DIS3L2: variants seen among roughly 807,000 people sequenced by gnomAD.
DIS3L2 encodes DIS3 like 3'-5' exoribonuclease 2, also known as DIS3-like exonuclease 2.
DIS3L2 carries 34 observed loss-of-function variants against 97.5 expected under a neutral mutation model. The observed-to-expected ratio is 0.35, with a 90% CI of 0.27 to 0.46. The LOEUF is 0.46. Ranked by LOEUF, DIS3L2 falls within the 20% of genes least tolerant of loss-of-function variation. The probability of loss-of-function intolerance (pLI) is 1.00; values close to 1 mark genes in which losing one functional copy is unlikely to be tolerated. For synonymous variants in DIS3L2, 435 were observed against 445.2 expected (o/e 0.98, Z 0.29); for missense variants, 1,038 against 1,146.0 (o/e 0.91, Z 1.36).
At chr2:232,026,920 C>T (rs918543613) in intron 4 of DIS3L2, among the ~76,000 whole-genome samples, 5 of 152,004 alleles carry the variant, frequency 3.3e-5, no homozygotes, top group Admixed American at 1.3e-4. Context: ...CTCTTTTATT[C>T]TTTTATTTGG....
At chr2:232,328,709 C>G (rs564122762) in intron 14 of DIS3L2, 1 of 152,514 alleles carries the variant, frequency 6.6e-6, no homozygotes, top group African/African-American at 2.4e-5. Context: ...AGAGTCCCCC[C>G]AGGCTGGTCA....
At chr2:232,243,893 C>T (rs1178041036) in intron 11 of DIS3L2, among the ~76,000 whole-genome samples, 1 of 152,190 alleles carries the variant, frequency 6.6e-6, no homozygotes, top group East Asian at 1.9e-4. Flanking sequence ...TTTCCAAAAA[C>T]CTTTTGGCCC....
chr2:232,294,656 C>G (rs1018450720), intron 13 of DIS3L2, among the ~76,000 whole-genome samples: 3 of 152,150 alleles, frequency 2.0e-5, no homozygotes, highest in Non-Finnish European at 4.4e-5. Context: ...CCTTCAACTC[C>G]CTTATCCAGT....
chr2:232,135,109 G>A (rs1559665123), intron 7 of DIS3L2, among the ~76,000 whole-genome samples: 2 of 152,164 alleles, frequency 1.3e-5, no homozygotes, highest in Non-Finnish European at 2.9e-5. Context: ...ATGAGGACAA[G>A]TTGCTGAAAT....
chr2:232,277,935 A>G (rs1445084413), intron 13 of DIS3L2, among the ~76,000 whole-genome samples: 2 of 152,208 alleles, frequency 1.3e-5, no homozygotes, highest in African/African-American at 4.8e-5. Context: ...AAAGCACAAT[A>G]AAAATATGGT....
chr2:232,071,348 T>C (rs1696010677), intron 5 of DIS3L2, among the ~76,000 whole-genome samples: 1 of 151,892 alleles, frequency 6.6e-6, no homozygotes, highest in Admixed American at 6.6e-5. Flanking sequence ...ATAGTGACCC[T>C]GTCTCTACAA....
chr2:232,132,143 A>G (rs1698236659), intron 7 of DIS3L2, among the ~76,000 whole-genome samples: 1 of 152,022 alleles, frequency 6.6e-6, no homozygotes, highest in Non-Finnish European at 1.5e-5. Flanking sequence ...CCCTCCAAAC[A>G]TGTTTTCCCT....
intron 5 of DIS3L2, among the ~76,000 whole-genome samples, chr2:232,051,247 G>A (rs892851097): frequency 2.6e-5 from 4 of 152,102 alleles, no homozygotes; most frequent in Non-Finnish European, 4.4e-5. Flanking sequence ...AAGGATTAAT[G>A]AACTGTAATC....
At chr2:232,330,118 C>G in intron 15 of DIS3L2, 122 bp downstream of exon 15, 1 of 1,243,288 alleles carries the variant, frequency 8.0e-7, no homozygotes, top group South Asian at 1.6e-5. Context: ...AGCCAGGTCT[C>G]TCCTGTAGGG....
chr2:232,029,514 C>T (rs1574823650), intron 4 of DIS3L2, among the ~76,000 whole-genome samples: 1 of 151,902 alleles, frequency 6.6e-6, no homozygotes, highest in Admixed American at 6.6e-5. Context: ...CTGGAGTTCA[C>T]GGTGGTCCTA....
chr2:232,000,662 C>CCTT (rs1178382206), intron 1 of DIS3L2, among the ~76,000 whole-genome samples: 41 of 92,920 alleles, frequency 4.4e-4, no homozygotes, highest in African/African-American at 1.5e-3. Context: ...CCTTTCCTTT[C>CCTT]TCTTTCTCTC....
intron 6 of DIS3L2, among the ~76,000 whole-genome samples, chr2:232,113,634 A>G (rs1182964019): frequency 1.3e-5 from 2 of 152,226 alleles, no homozygotes; most frequent in Non-Finnish European, 2.9e-5. Context: ...TGAAACCACC[A>G]TTGCAAAATT....
At chr2:232,046,320 T>A (rs1559569659) in intron 5 of DIS3L2, among the ~76,000 whole-genome samples, 1 of 152,162 alleles carries the variant, frequency 6.6e-6, no homozygotes, top group Non-Finnish European at 1.5e-5. Context: ...CCACTCAAAG[T>A]GTGGTCCATG....
chr2:232,116,934 TC>T (rs1465472690), intron 6 of DIS3L2, among the ~76,000 whole-genome samples: 2 of 152,182 alleles, frequency 1.3e-5, no homozygotes, highest in Non-Finnish European at 2.9e-5. Context: ...CGTCCACGCT[TC>T]ATAGCTTTTG....
intron 1 of DIS3L2, among the ~76,000 whole-genome samples, chr2:231,988,627 A>T (rs1693487982): frequency 6.6e-6 from 1 of 152,156 alleles, no homozygotes; most frequent in Non-Finnish European, 1.5e-5. Flanking sequence ...CCAAGACATG[A>T]CGTGGATCTT....
chr2:231,999,571 G>A (rs983231218), intron 1 of DIS3L2, among the ~76,000 whole-genome samples: 2 of 151,804 alleles, frequency 1.3e-5, no homozygotes, highest in Non-Finnish European at 2.9e-5. Context: ...AACTTGGCTC[G>A]TTATCCACAA....
At chr2:231,985,802 G>C (rs756920280) in intron 1 of DIS3L2, among the ~76,000 whole-genome samples, 2 of 152,124 alleles carry the variant, frequency 1.3e-5, no homozygotes, top group Non-Finnish European at 2.9e-5. Flanking sequence ...GTTAATATTA[G>C]GTGTCAACTT....
At chr2:232,094,812 G>A (rs1001020884) in intron 6 of DIS3L2, among the ~76,000 whole-genome samples, 2 of 151,122 alleles carry the variant, frequency 1.3e-5, no homozygotes, top group Non-Finnish European at 2.9e-5. Context: ...AGTAATATTT[G>A]CTTTATATAT....
intron 12 of DIS3L2, among the ~76,000 whole-genome samples, chr2:232,252,569 A>G (rs1365536472): frequency 3.3e-5 from 5 of 152,226 alleles, no homozygotes; most frequent in Non-Finnish European, 5.9e-5. Context: ...AATTGTGGCT[A>G]TTCATTTTTG....
Sources: gnomAD v4.1 joint callset for allele counts (sites outside exome capture counted in the v4.1 genomes callset) on GRCh38, gnomAD v4.1.1 for gene constraint, MANE v1.5 for transcripts, NCBI Gene and HGNC (gene_info 2026-07-23, HGNC 2026-07-21) for gene names.